Variants in ZFYVE9 observed in about 807,000 individuals in gnomAD.
ZFYVE9 encodes zinc finger FYVE domain-containing protein 9.
ZFYVE9 carries 43 observed loss-of-function variants against 126.7 expected under a neutral mutation model. The ratio of observed to expected loss-of-function variants is 0.34; its 90% CI spans 0.27 to 0.44. The LOEUF (loss-of-function observed/expected upper bound fraction) is 0.44, where lower values mean the gene tolerates loss of function less well. Ranked by LOEUF, ZFYVE9 falls within the 20% of genes least tolerant of loss-of-function variation. ZFYVE9 has a pLI of 1.00. For missense variants in ZFYVE9, 1,476 were observed against 1,697.0 expected, an observed-to-expected ratio of 0.87 and a Z score of 2.29; for synonymous variants, 521 against 597.4, an observed-to-expected ratio of 0.87 and a Z score of 1.87.
chr1:52,289,675 C>T lies in ZFYVE9; in HGVS notation c.3026-3778C>T, dbSNP rs557214661. On this transcript the variant is annotated intron_variant, in intron 10 of 18. Transcript: ENST00000287727. ...TTTCTTTCTTTGTCAAATTCTTATA[C>T]CCACTGTTTTATTTTTGCCAATATC... Among the ~76,000 whole-genome samples, 10 of 146,522 alleles carry T rather than the reference C, an allele frequency of 6.8e-5. No individual in the cohort carries two copies. In the South Asian group the frequency reaches 2.2e-3, roughly 32 times the overall value.
chr1:52,157,310 A>G (rs1174186477), intron 1 of ZFYVE9, among the ~76,000 whole-genome samples: 2 of 148,504 alleles, frequency 1.3e-5, no homozygotes, highest in Non-Finnish European at 3.0e-5. Flanking sequence ...TGCTTATCCA[A>G]TTCTGGCCTT....
chr1:52,270,995 C>A (rs144648954), intron 7 of ZFYVE9, among the ~76,000 whole-genome samples: 61 of 152,200 alleles, frequency 4.0e-4, no homozygotes, highest in African/African-American at 1.4e-3. Context: ...TTGAGACCAG[C>A]TTGGGCAACA....
chr1:52,211,908 C>A (rs938756515), intron 1 of ZFYVE9, among the ~76,000 whole-genome samples: 7 of 152,020 alleles, frequency 4.6e-5, no homozygotes, highest in Non-Finnish European at 8.8e-5. Flanking sequence ...CTATGAATTT[C>A]TTGCATTTTA....
chr1:52,175,229 G>C lies in ZFYVE9; in HGVS notation c.-143+32826G>C, dbSNP rs1423527524. Among the ~76,000 whole-genome samples, 7 of 150,794 alleles carry C rather than the reference G, an allele frequency of 4.6e-5. No individual in the cohort carries two copies. In the East Asian group the frequency reaches 1.2e-3, roughly 25 times the overall value. On this transcript the variant is annotated intron_variant, in intron 1 of 18. Coordinates refer to ENST00000287727, the MANE Select transcript of ZFYVE9 (RefSeq NM_004799.4). ...TGACAAAATCTCTCAGCATTTGCTT[G>C]TCTGTAAAGTATTTTATTTCTCCTT...
intron 4 of ZFYVE9, among the ~76,000 whole-genome samples, chr1:52,244,278 A>G (rs1396199305): frequency 6.6e-6 from 1 of 152,136 alleles, no homozygotes; most frequent in Non-Finnish European, 1.5e-5. Context: ...GGAGGATGGG[A>G]AATACTGTTG....
At chr1:52,334,278 C>T (rs992411587) in intron 14 of ZFYVE9, among the ~76,000 whole-genome samples, 2 of 152,078 alleles carry the variant, frequency 1.3e-5, no homozygotes, top group Non-Finnish European at 2.9e-5. Context: ...AACAACTATT[C>T]GGCTCTAGTA....
chr1:52,166,971 G>T (rs997789225), intron 1 of ZFYVE9, among the ~76,000 whole-genome samples: 1 of 152,102 alleles, frequency 6.6e-6, no homozygotes, highest in African/African-American at 2.4e-5. Context: ...TGTATCAATT[G>T]ATCTTTATAA....
intron 9 of ZFYVE9, 80 bp from the exon 10 acceptor site, chr1:52,281,581 C>T: frequency 1.3e-6 from 2 of 1,502,142 alleles, no homozygotes; most frequent in East Asian, 4.5e-5. Context: ...TGTATTGTAA[C>T]ACAGATTTCT....
At chr1:52,261,457 T>C (rs1303558264) in intron 4 of ZFYVE9, among the ~76,000 whole-genome samples, 1 of 152,146 alleles carries the variant, frequency 6.6e-6, no homozygotes. Flanking sequence ...CTAAATTGCA[T>C]TGCATGAAGG....
At chr1:52,246,844 A>T (rs1316393952) in intron 4 of ZFYVE9, among the ~76,000 whole-genome samples, 2 of 151,362 alleles carry the variant, frequency 1.3e-5, no homozygotes, top group East Asian at 3.9e-4. Context: ...AGTAGCAGGG[A>T]TTACAGGCAC....
chr1:52,199,348 C>T (rs1329722648), intron 1 of ZFYVE9, among the ~76,000 whole-genome samples: 6 of 152,212 alleles, frequency 3.9e-5, no homozygotes, highest in African/African-American at 1.2e-4. Flanking sequence ...CAGGAGTGAG[C>T]CACCGTACCT....
At chr1:52,292,860 C>G (rs1353538471) in intron 10 of ZFYVE9, among the ~76,000 whole-genome samples, 1 of 152,052 alleles carries the variant, frequency 6.6e-6, no homozygotes, top group Non-Finnish European at 1.5e-5. Flanking sequence ...CCAAGGAAGG[C>G]ATCAATATTT....
intron 10 of ZFYVE9, among the ~76,000 whole-genome samples, chr1:52,288,164 TG>T (rs1289208073): frequency 2.0e-5 from 3 of 152,284 alleles, no homozygotes; most frequent in Non-Finnish European, 4.4e-5. Flanking sequence ...ATGAGGAAAA[TG>T]AAAGACACCA....
intron 13 of ZFYVE9, among the ~76,000 whole-genome samples, chr1:52,304,970 T>G (rs1289467418): frequency 6.6e-6 from 1 of 152,220 alleles, no homozygotes; most frequent in African/African-American, 2.4e-5. Flanking sequence ...TTCACAGATC[T>G]TGCTCTGTTG....
chr1:52,301,939 A>T (rs1047070952), intron 12 of ZFYVE9, among the ~76,000 whole-genome samples: 1 of 152,012 alleles, frequency 6.6e-6, no homozygotes, highest in African/African-American at 2.4e-5. Flanking sequence ...ATTTTGGTTT[A>T]AGCTGCTGTT....
chr1:52,171,936 TC>T (rs1178173050), intron 1 of ZFYVE9, among the ~76,000 whole-genome samples: 11 of 152,142 alleles, frequency 7.2e-5, no homozygotes, highest in Admixed American at 2.0e-4. Flanking sequence ...AAAATTTTCT[TC>T]CATTTTGTAG....
At chr1:52,224,927 T>C (rs1005087644) in intron 2 of ZFYVE9, among the ~76,000 whole-genome samples, 5 of 152,154 alleles carry the variant, frequency 3.3e-5, no homozygotes, top group Admixed American at 1.3e-4. Context: ...TTTGTCCTTA[T>C]TGGCTGCTTC....
intron 4 of ZFYVE9, among the ~76,000 whole-genome samples, chr1:52,244,286 T>C (rs1645362672): frequency 6.6e-6 from 1 of 152,110 alleles, no homozygotes; most frequent in African/African-American, 2.4e-5. Context: ...GGAAATACTG[T>C]TGTATTTTTA....
At chr1:52,338,158 T>C (rs1011739099) in intron 16 of ZFYVE9, among the ~76,000 whole-genome samples, 2 of 152,184 alleles carry the variant, frequency 1.3e-5, no homozygotes, top group African/African-American at 4.8e-5. Flanking sequence ...GAGGGATTGA[T>C]GAAACAAAAA....
Sources: gnomAD v4.1 joint callset for allele counts (sites outside exome capture counted in the v4.1 genomes callset) on GRCh38, gnomAD v4.1.1 for gene constraint, MANE v1.5 for transcripts, NCBI Gene and HGNC (gene_info 2026-07-23, HGNC 2026-07-21) for gene names.